The following FOXP1 variants were observed in gnomAD, a reference collection of about 807,000 sequenced individuals.
FOXP1 encodes forkhead box protein P1.
In FOXP1, 15 loss-of-function variants were observed where a neutral mutation model predicts 98.2. The observed-to-expected ratio is 0.15, with a 90% CI of 0.10 to 0.24. The LOEUF (loss-of-function observed/expected upper bound fraction) is 0.24. Ranked by LOEUF, FOXP1 falls within the 10% of genes least tolerant of loss-of-function variation. The pLI is 1.00. For synonymous variants in FOXP1, 371 were observed against 314.5 expected, an observed-to-expected ratio of 1.18 and a Z score of -1.90; for missense variants, 633 against 848.5, an observed-to-expected ratio of 0.75 and a Z score of 3.15.
chr3:71,312,749 C>A (rs2074782298), intron 4 of FOXP1, among the ~76,000 whole-genome samples: 1 of 152,174 alleles, frequency 6.6e-6, no homozygotes, highest in Non-Finnish European at 1.5e-5. Context: ...CTCTGGGAGG[C>A]CAAGGCAGGT....
chr3:71,349,149 T>C (rs1371813475), intron 4 of FOXP1, among the ~76,000 whole-genome samples: 4 of 147,628 alleles, frequency 2.7e-5, no homozygotes, highest in African/African-American at 4.8e-5. Context: ...CATATTTGTA[T>C]AATCAAGGTA....
At chr3:71,389,251 GGCCGGGGGGGGC>G (rs1301350007) in intron 3 of FOXP1, among the ~76,000 whole-genome samples, 53 of 38,372 alleles carry the variant, frequency 1.4e-3, no homozygotes, top group Non-Finnish European at 1.8e-3. Flanking sequence ...GGGGGGGGGG[GGCCGGGGGGGGC>G]GGGTTATAAA....
At chr3:71,363,853 C>G (rs1288686) in intron 3 of FOXP1, among the ~76,000 whole-genome samples, 27,643 of 152,146 alleles carry the variant, frequency 0.18, 2,998 homozygotes, top group Non-Finnish European at 0.24. Context: ...TCATTCAGAT[C>G]CTGAAGCCTC....
At chr3:71,107,778 C>T (rs774262294) in intron 7 of FOXP1, among the ~76,000 whole-genome samples, 10 of 152,096 alleles carry the variant, frequency 6.6e-5, no homozygotes, top group Non-Finnish European at 1.2e-4. Context: ...TAGTGAATAA[C>T]GTGGAAATGA....
intron 5 of FOXP1, among the ~76,000 whole-genome samples, chr3:71,290,630 A>T (rs553136193): frequency 3.3e-5 from 5 of 152,144 alleles, no homozygotes; most frequent in Non-Finnish European, 5.9e-5. Flanking sequence ...CCCCAATAAG[A>T]ATATAAAAAG....
At chr3:71,394,912 C>T (rs1183330383) in intron 3 of FOXP1, among the ~76,000 whole-genome samples, 1 of 151,914 alleles carries the variant, frequency 6.6e-6, no homozygotes, top group African/African-American at 2.4e-5. Context: ...ACCAGCCTGA[C>T]CAACATGGAG....
intron 5 of FOXP1, among the ~76,000 whole-genome samples, chr3:71,249,336 AG>A (rs1206165847): frequency 2.6e-5 from 4 of 152,368 alleles, no homozygotes; most frequent in Admixed American, 1.3e-4. Context: ...TAGTAACCAT[AG>A]TAACATAAAC....
intron 7 of FOXP1, among the ~76,000 whole-genome samples, chr3:71,058,599 AGAG>A (rs2051006336): frequency 6.6e-6 from 1 of 151,070 alleles, no homozygotes; most frequent in East Asian, 1.9e-4. Flanking sequence ...TAAAAGAGAG[AGAG>A]GAGAAAAAAA....
chr3:71,040,284 T>C (rs575532379), intron 11 of FOXP1: 1 of 152,322 alleles, frequency 6.6e-6, no homozygotes, highest in South Asian at 2.1e-4. Flanking sequence ...TAAATGTTTT[T>C]TCACTGAGCC....
intron 20 of FOXP1, among the ~76,000 whole-genome samples, chr3:70,960,891 G>T (rs543657907): frequency 4.0e-5 from 6 of 150,460 alleles, no homozygotes; most frequent in Non-Finnish European, 8.8e-5. Flanking sequence ...GCCCAGGCTG[G>T]AGTGCAGTGG....
At chr3:71,277,397 T>C (rs1016082747) in intron 5 of FOXP1, among the ~76,000 whole-genome samples, 8 of 152,172 alleles carry the variant, frequency 5.3e-5, no homozygotes, top group African/African-American at 9.7e-5. Context: ...TTTCATTCTT[T>C]TTTAGTGCTG....
intron 4 of FOXP1, among the ~76,000 whole-genome samples, chr3:71,358,833 T>A (rs1577121254): frequency 6.6e-6 from 1 of 152,038 alleles, no homozygotes; most frequent in Non-Finnish European, 1.5e-5. Context: ...AAAGGCAGAG[T>A]TGACTAGTTG....
At chr3:71,418,000 T>C (rs1324074092) in intron 3 of FOXP1, among the ~76,000 whole-genome samples, 1 of 151,334 alleles carries the variant, frequency 6.6e-6, no homozygotes, top group Non-Finnish European at 1.5e-5. Flanking sequence ...CTTCCTTCCC[T>C]CATGAGTGCT....
At chr3:71,563,904 G>A (rs1461495518) in intron 2 of FOXP1, among the ~76,000 whole-genome samples, 3 of 152,170 alleles carry the variant, frequency 2.0e-5, no homozygotes, top group African/African-American at 4.8e-5. Context: ...CCAAACTGCC[G>A]TATGACTTCA....
intron 11 of FOXP1, among the ~76,000 whole-genome samples, chr3:71,021,592 T>C (rs1371347371): frequency 1.3e-5 from 2 of 152,198 alleles, no homozygotes; most frequent in East Asian, 3.8e-4. Context: ...AACTCTACGG[T>C]TGACATTTGG....
chr3:70,968,928 T>C (rs138313816), intron 19 of FOXP1: 7 of 152,286 alleles, frequency 4.6e-5, no homozygotes, highest in African/African-American at 1.4e-4. Flanking sequence ...AATCATGAAT[T>C]TGTATCAATT....
intron 10 of FOXP1, among the ~76,000 whole-genome samples, chr3:71,045,673 G>C (rs1326581385): frequency 6.6e-6 from 1 of 152,136 alleles, no homozygotes; most frequent in Non-Finnish European, 1.5e-5. Context: ...GGGCAAGAGA[G>C]AAGTTAAGAG....
intron 13 of FOXP1, among the ~76,000 whole-genome samples, chr3:70,990,726 A>G (rs2040471425): frequency 6.6e-6 from 1 of 152,238 alleles, no homozygotes; most frequent in African/African-American, 2.4e-5. Context: ...TCTAGCATAA[A>G]GGAAATGACA....
chr3:71,411,378 G>A (rs907772665), intron 3 of FOXP1, among the ~76,000 whole-genome samples: 4 of 151,616 alleles, frequency 2.6e-5, no homozygotes, highest in Admixed American at 2.0e-4. Context: ...GCAGTGGCGC[G>A]ATATGGGCTC....
Sources: allele counts gnomAD v4.1 joint callset (sites outside exome capture counted in the v4.1 genomes callset), GRCh38; gene constraint gnomAD v4.1.1; transcripts MANE v1.5; gene names NCBI Gene and HGNC (gene_info 2026-07-23, HGNC 2026-07-21).